GPM6A: variants seen among roughly 807,000 people sequenced by gnomAD.
GPM6A encodes glycoprotein M6A.
In GPM6A, 7 loss-of-function variants were observed where a neutral mutation model predicts 32.1. The ratio of observed to expected loss-of-function variants is 0.22; its 90% confidence interval spans 0.12 to 0.41. The LOEUF (loss-of-function observed/expected upper bound fraction) is 0.41. Among genes scored for constraint, GPM6A ranks in the 10% least tolerant of loss-of-function variants. The probability of loss-of-function intolerance (pLI) is 1.00; values close to 1 mark genes in which losing one functional copy is unlikely to be tolerated. For missense variants in GPM6A, 235 were observed against 347.2 expected (o/e 0.68, Z 2.57); for synonymous variants, 130 against 123.4 (o/e 1.05, Z -0.35).
At chr4:175,924,857 A>T (rs933440076) in intron 1 of GPM6A, among the ~76,000 whole-genome samples, 1 of 151,214 alleles carries the variant, frequency 6.6e-6, no homozygotes, top group Non-Finnish European at 1.5e-5. Flanking sequence ...AAAAAAAAAA[A>T]AAGAGAGAAG....
intron 1 of GPM6A, among the ~76,000 whole-genome samples, chr4:175,933,791 T>G (rs779668821): frequency 2.0e-5 from 3 of 151,964 alleles, no homozygotes; most frequent in East Asian, 1.9e-4. Flanking sequence ...TGATCCGCCC[T>G]CCTCGGCCTC....
At chr4:175,683,851 G>A (rs1409268862) in intron 2 of GPM6A, among the ~76,000 whole-genome samples, 1 of 149,174 alleles carries the variant, frequency 6.7e-6, no homozygotes, top group Non-Finnish European at 1.5e-5. Context: ...TTTTTTTTGA[G>A]AAGGAGTTTT....
chr4:175,634,903 A>AT lies in GPM6A; in HGVS notation c.*1dup, dbSNP rs1295369225. 1 of 1,612,148 alleles carries AT rather than the reference A, an allele frequency of 6.2e-7. No individual in the cohort carries two copies. Among genetic ancestry groups the AT allele is most frequent in the African/African-American group, 1.3e-5 (1 of 74,890 alleles). On this transcript the variant is annotated 3_prime_UTR_variant, in exon 7 of 7. Transcript: ENST00000393658. ...AATGGTAGAAAGAACAGGAAGATGCATTTATGTGTATGCATTGAGCCGCTC... is the reference window on the plus strand; with the variant it reads ...AATGGTAGAAAGAACAGGAAGATGCATTTTATGTGTATGCATTGAGCCGCTC...
chr4:175,812,006 T>C, intron 1 of GPM6A, 185 bp downstream of exon 1: 3 of 536,410 alleles, frequency 5.6e-6, no homozygotes, highest in Non-Finnish European at 9.9e-6. Context: ...ATCTGAAAGA[T>C]TTGCAAATAA....
At chr4:175,876,982 C>T (rs141865217) in intron 1 of GPM6A, among the ~76,000 whole-genome samples, 268 of 151,946 alleles carry the variant, frequency 1.8e-3, no homozygotes, top group African/African-American at 6.3e-3. Flanking sequence ...CCTCAAAGTC[C>T]ATGCGGTCAC....
chr4:175,861,657 A>T (rs1467773031), intron 1 of GPM6A, among the ~76,000 whole-genome samples: 3 of 149,484 alleles, frequency 2.0e-5, no homozygotes, highest in African/African-American at 7.3e-5. Flanking sequence ...AGGCTGAGGC[A>T]TGAGAATCAC....
chr4:175,833,196 C>T (rs1390526195), intron 1 of GPM6A, among the ~76,000 whole-genome samples: 5 of 152,054 alleles, frequency 3.3e-5, no homozygotes, highest in Non-Finnish European at 7.4e-5. Flanking sequence ...GTAAGAAATT[C>T]TGGTGAAAAT....
intron 1 of GPM6A, among the ~76,000 whole-genome samples, chr4:175,864,502 T>C (rs1736670666): frequency 2.0e-5 from 3 of 152,094 alleles, no homozygotes; most frequent in African/African-American, 7.2e-5. Flanking sequence ...AGGGTTGTTT[T>C]TCTTCTCATT....
In GPM6A at chr4:175,838,112, G is replaced by GACAC. The variant is rs10548625; in HGVS notation, c.-22-25867_-22-25864dup. On this transcript the variant is annotated intron_variant, in intron 1 of 7. Coordinates refer to the GPM6A transcript ENST00000280187. ...TAAAACACACACACACACACACACA[G>GACAC]ACACACACACACACACACACACACA... 8.4e-3 allele frequency among the ~76,000 whole-genome samples: 1,189 copies of GACAC among 141,972 alleles called. 9 individuals carry two copies. The highest frequency in any genetic ancestry group is 0.024 in the African/African-American group (919 of 38,406). 93.1% of individuals were successfully genotyped at this position (141,972 alleles called of 152,430 possible). A position where few individuals can be genotyped will look rare whatever the true frequency, so the allele number is the denominator to read the frequency against.
intron 3 of GPM6A, among the ~76,000 whole-genome samples, chr4:175,660,653 AT>A (rs1273298760): frequency 2.0e-5 from 3 of 152,238 alleles, no homozygotes; most frequent in Non-Finnish European, 2.9e-5. Flanking sequence ...AAGTGTTGCT[AT>A]TACTTAATAA....
At chr4:175,648,121 A>T (rs59086982) in intron 4 of GPM6A, among the ~76,000 whole-genome samples, 35,154 of 149,652 alleles carry the variant, frequency 0.23, 5,936 homozygotes, top group African/African-American at 0.48. Context: ...TTCTTTTTTT[A>T]AAAAAAAAAG....
chr4:175,884,852 A>C, intron 1 of GPM6A, among the ~76,000 whole-genome samples: 1 of 152,176 alleles, frequency 6.6e-6, no homozygotes, highest in East Asian at 1.9e-4. Context: ...TTATCTCTAA[A>C]TGAAATATTT....
chr4:175,647,400 G>T (rs1579337849), intron 4 of GPM6A, among the ~76,000 whole-genome samples: 1 of 152,210 alleles, frequency 6.6e-6, no homozygotes, highest in South Asian at 2.1e-4. Flanking sequence ...CATAATAAAA[G>T]CATCAAAAAT....
At chr4:175,701,819 T>A in intron 1 of GPM6A, 52 bp from the exon 2 acceptor site, 2 of 1,282,294 alleles carry the variant, frequency 1.6e-6, no homozygotes, top group Non-Finnish European at 2.2e-6. Flanking sequence ...CCTAATTTAA[T>A]TTTTTTTTTC....
chr4:175,945,158 C>T lies in GPM6A; in HGVS notation c.-23+57151G>A, dbSNP rs887851826. Among the ~76,000 whole-genome samples the T allele has an allele frequency of 6.6e-5, 10 of 152,060 alleles. No individual in the cohort carries two copies. The East Asian group carries it at 7.7e-4, about 12-fold the overall frequency. The stretch of plus-strand genomic sequence containing the variant: ...AGTGTGAACAGCAATTATCTCACTA[C>T]GGAAAACAAAGCAGAATGAAACAAT... On this transcript the variant is annotated intron_variant, in intron 1 of 7. Transcript: ENST00000280187.
At chr4:175,961,668 G>A (rs1740168206) in intron 1 of GPM6A, among the ~76,000 whole-genome samples, 1 of 152,174 alleles carries the variant, frequency 6.6e-6, no homozygotes, top group Admixed American at 6.5e-5. Flanking sequence ...GAGAAGATCA[G>A]AGAAAAATCG....
In GPM6A at chr4:176,001,187, G is replaced by T. The variant is rs930012574; in HGVS notation, c.-23+1122C>A. Among the ~76,000 whole-genome samples the T allele has an allele frequency of 5.3e-5, 8 of 152,220 alleles. No homozygotes were observed. The East Asian group carries it at 1.5e-3, about 29-fold the overall frequency. ...TGTGGGAATACAGGAATTTCAACCCGAGCACGTCAGTCCCCAAGGCCTCCT... is the reference window on the plus strand; with the variant it reads ...TGTGGGAATACAGGAATTTCAACCCTAGCACGTCAGTCCCCAAGGCCTCCT... On this transcript the variant is annotated intron_variant, in intron 1 of 7. Transcript: ENST00000280187.
intron 1 of GPM6A, among the ~76,000 whole-genome samples, chr4:175,926,634 T>C (rs1040009008): frequency 2.0e-5 from 3 of 152,168 alleles, no homozygotes; most frequent in Non-Finnish European, 2.9e-5. Flanking sequence ...GGCACAAAGA[T>C]AGTATTTGTA....
chr4:175,635,118 C>T, intron 6 of GPM6A, 61 bp from the exon 7 acceptor site: 1 of 1,284,322 alleles, frequency 7.8e-7, no homozygotes, highest in Admixed American at 1.9e-5. Context: ...TTACACCTTG[C>T]TATCTCGAAA....
Sources: allele counts gnomAD v4.1 joint callset (sites outside exome capture counted in the v4.1 genomes callset), GRCh38; gene constraint gnomAD v4.1.1; transcripts MANE v1.5; gene names NCBI Gene and HGNC (gene_info 2026-07-23, HGNC 2026-07-21).